Variants in NFYC observed in about 807,000 individuals in gnomAD.
The protein encoded by NFYC is nuclear transcription factor Y subunit gamma.
NFYC carries 25 observed loss-of-function variants against 53.1 expected under a neutral mutation model. The observed-to-expected ratio is 0.47, with a 90% CI of 0.34 to 0.66. The LOEUF is 0.66. NFYC is among the 30% of genes least tolerant of loss of function. NFYC has a pLI of 0.01. For synonymous variants in NFYC, 145 were observed against 152.6 expected, an observed-to-expected ratio of 0.95 and a Z score of 0.37; for missense variants, 260 against 422.7, an observed-to-expected ratio of 0.62 and a Z score of 3.38.
intron 1 of NFYC, among the ~76,000 whole-genome samples, chr1:40,697,921 A>G (rs1231688886): frequency 6.6e-6 from 1 of 152,108 alleles, no homozygotes; most frequent in East Asian, 1.9e-4. Flanking sequence ...CCATTTTGTT[A>G]TTTTCAGATC....
chr1:40,704,006 T>C (rs903995353), intron 1 of NFYC, among the ~76,000 whole-genome samples: 17 of 152,158 alleles, frequency 1.1e-4, no homozygotes, highest in Non-Finnish European at 1.3e-4. Flanking sequence ...AAATTCTCAC[T>C]TTACCTTCTT....
chr1:40,756,894 C>A (rs1646255786), intron 5 of NFYC, among the ~76,000 whole-genome samples: 1 of 152,208 alleles, frequency 6.6e-6, no homozygotes, highest in African/African-American at 2.4e-5. Flanking sequence ...TTTAGTAGAA[C>A]AGACAGTTAA....
chr1:40,713,365 T>C (rs1194575122), intron 1 of NFYC, among the ~76,000 whole-genome samples: 1 of 152,246 alleles, frequency 6.6e-6, no homozygotes, highest in Non-Finnish European at 1.5e-5. Context: ...CTTTACCAAA[T>C]AAAATTCCAG....
intron 1 of NFYC, among the ~76,000 whole-genome samples, chr1:40,721,133 G>A (rs987315760): frequency 1.3e-5 from 2 of 152,178 alleles, no homozygotes; most frequent in Non-Finnish European, 2.9e-5. Context: ...ATTTGATTGT[G>A]TGCCAGGAAT....
At chr1:40,714,048 A>G (rs1438974653) in intron 1 of NFYC, among the ~76,000 whole-genome samples, 1 of 152,252 alleles carries the variant, frequency 6.6e-6, no homozygotes, top group East Asian at 1.9e-4. Flanking sequence ...GAGGTATTCC[A>G]GAAAGCCAGG....
At chr1:40,697,156 G>A (rs1384039645) in intron 1 of NFYC, among the ~76,000 whole-genome samples, 3 of 152,202 alleles carry the variant, frequency 2.0e-5, no homozygotes, top group Non-Finnish European at 4.4e-5. Context: ...GTAATTATGA[G>A]AAATGAATAT....
intron 1 of NFYC, among the ~76,000 whole-genome samples, chr1:40,702,173 A>G (rs1351874003): frequency 1.3e-5 from 2 of 152,212 alleles, no homozygotes; most frequent in East Asian, 3.8e-4. Context: ...TTTTCAAAAA[A>G]CAAATAATTC....
intron 1 of NFYC, among the ~76,000 whole-genome samples, chr1:40,715,037 G>A (rs1056860839): frequency 6.6e-6 from 1 of 151,594 alleles, no homozygotes; most frequent in Non-Finnish European, 1.5e-5. Context: ...CCGACATGGC[G>A]CCACTGCACT....
At chr1:40,693,125 T>A (rs1642928811) in intron 1 of NFYC, among the ~76,000 whole-genome samples, 1 of 152,236 alleles carries the variant, frequency 6.6e-6, no homozygotes, top group South Asian at 2.1e-4. Flanking sequence ...CCCATTCCCA[T>A]GTGTACTTTG....
chr1:40,718,900 T>G (rs1253935492), intron 1 of NFYC, among the ~76,000 whole-genome samples: 1 of 152,120 alleles, frequency 6.6e-6, no homozygotes, highest in Non-Finnish European at 1.5e-5. Context: ...TGAGACGGAG[T>G]CTTGCTCTGT....
chr1:40,746,966 G>A (rs1227553247), intron 2 of NFYC, among the ~76,000 whole-genome samples: 1 of 152,130 alleles, frequency 6.6e-6, no homozygotes, highest in African/African-American at 2.4e-5. Context: ...CAAGGCCATT[G>A]CTACTGTGAT....
At chr1:40,716,702 T>G (rs188112356) in intron 1 of NFYC, among the ~76,000 whole-genome samples, 90 of 152,296 alleles carry the variant, frequency 5.9e-4, no homozygotes, top group Non-Finnish European at 8.5e-4. Flanking sequence ...CTTAGAATTG[T>G]ACGTGGCACA....
At chr1:40,701,688 G>A (rs1034813435) in intron 1 of NFYC, among the ~76,000 whole-genome samples, 3 of 152,124 alleles carry the variant, frequency 2.0e-5, no homozygotes, top group African/African-American at 4.8e-5. Context: ...TAACTTTCCT[G>A]TTTGTTACAG....
intron 1 of NFYC, among the ~76,000 whole-genome samples, chr1:40,701,767 T>C (rs990684258): frequency 2.6e-5 from 4 of 152,230 alleles, no homozygotes; most frequent in African/African-American, 9.6e-5. Context: ...TTTAGTACAA[T>C]GGCTATGCTT....
chr1:40,725,937 T>C (rs1267867231), intron 1 of NFYC, among the ~76,000 whole-genome samples: 1 of 152,250 alleles, frequency 6.6e-6, no homozygotes, highest in Non-Finnish European at 1.5e-5. Flanking sequence ...AATGTGCTTA[T>C]TTTAATTTTA....
At position 40,731,212 on chromosome 1, in the gene NFYC, T is replaced by C. The variant is rs1319871933; in HGVS notation, c.-8-7624T>C. Among the ~76,000 whole-genome samples the C allele has an allele frequency of 2.0e-5, 3 of 152,288 alleles. No individual in the cohort carries two copies. The East Asian group carries it at 5.8e-4, about 29-fold the overall frequency. On this transcript the variant is annotated intron_variant, in intron 1 of 9. Coordinates refer to ENST00000447388, the MANE Select transcript of NFYC (RefSeq NM_014223.5). ...TTTTTTTTGGGACGGAGTCTTGCTG[T>C]ATCCCAGTATGGAGTGCAGTGGCAT...
At chr1:40,769,205 G>T in intron 8 of NFYC, 151 bp from the exon 9 acceptor site, 1 of 721,212 alleles carries the variant, frequency 1.4e-6, no homozygotes, top group Non-Finnish European at 2.5e-6. Flanking sequence ...TAGATTAGGA[G>T]GGGTGCTTGC....
chr1:40,732,074 T>C (rs1053139127), intron 1 of NFYC, among the ~76,000 whole-genome samples: 7 of 152,262 alleles, frequency 4.6e-5, no homozygotes, highest in African/African-American at 1.7e-4. Context: ...GGTTTCATTT[T>C]AGCGGAGCTT....
Position 40,763,775 on chromosome 1 carries a change from A to G in NFYC, c.720+729A>G, listed in dbSNP as rs989107588. 6.8e-4 allele frequency among the ~76,000 whole-genome samples: 103 copies of G among 152,292 alleles called. 1 individual carries two copies. The highest frequency in any genetic ancestry group is 2.3e-3 in the African/African-American group (96 of 41,550). ...TTTCCTTTAATCTAGGTTCAGGTTC[A>G]CCACGATTGGGCGGCTTCTCTCGAT... On this transcript the variant is annotated intron_variant, in intron 7 of 9. Transcript: ENST00000447388.
Sources: allele counts gnomAD v4.1 joint callset (sites outside exome capture counted in the v4.1 genomes callset), GRCh38; gene constraint gnomAD v4.1.1; transcripts MANE v1.5; gene names NCBI Gene and HGNC (gene_info 2026-07-23, HGNC 2026-07-21).